CCDC191: variants seen among roughly 807,000 people sequenced by gnomAD.
CCDC191 encodes coiled-coil domain containing 191, also known as coiled-coil domain-containing protein 191.
Under a neutral mutation model 114.0 loss-of-function variants are expected in CCDC191, and 99 were observed. The observed-to-expected ratio is 0.87, with a 90% confidence interval of 0.74 to 1.03. The LOEUF is 1.03. Ranked by LOEUF, CCDC191 falls within the 50% of genes least tolerant of loss-of-function variation. The pLI is 0.00. For missense variants in CCDC191, 973 were observed against 1,087.0 expected (o/e 0.90, Z 1.47); for synonymous variants, 351 against 376.0 (o/e 0.93, Z 0.77).
chr3:114,034,837 A>G, intron 6 of CCDC191, 88 bp downstream of exon 6: 1 of 1,016,102 alleles, frequency 9.8e-7, no homozygotes, highest in East Asian at 2.4e-5. Flanking sequence ...TTTGTTATTG[A>G]ATGTTTGTGC....
chr3:114,006,205 T>C (rs551892642), intron 9 of CCDC191, among the ~76,000 whole-genome samples: 1 of 151,804 alleles, frequency 6.6e-6, no homozygotes, highest in Non-Finnish European at 1.5e-5. Flanking sequence ...TCCCAGCACG[T>C]TGGGAGGCCG....
chr3:114,024,028 C>T (rs941104148), intron 7 of CCDC191, among the ~76,000 whole-genome samples: 8 of 152,194 alleles, frequency 5.3e-5, no homozygotes, highest in African/African-American at 1.9e-4. Flanking sequence ...TATACAACCC[C>T]ATCAACAAGT....
At chr3:113,968,959 T>G (rs1940514300) in intron 16 of CCDC191, among the ~76,000 whole-genome samples, 1 of 152,200 alleles carries the variant, frequency 6.6e-6, no homozygotes, top group Non-Finnish European at 1.5e-5. Context: ...CACTAGCATC[T>G]GTTTCTAATG....
At chr3:113,974,406 ACCTCCCAGGT>A (rs1459013799) in intron 16 of CCDC191, among the ~76,000 whole-genome samples, 1 of 148,892 alleles carries the variant, frequency 6.7e-6, no homozygotes, top group African/African-American at 2.5e-5. Flanking sequence ...TGCAACCTCC[ACCTCCCAGGT>A]TCAAGCCATT....
chr3:113,967,403 T>C (rs1940313122), intron 16 of CCDC191, among the ~76,000 whole-genome samples: 1 of 151,946 alleles, frequency 6.6e-6, no homozygotes, highest in Admixed American at 6.6e-5. Flanking sequence ...ACATTTCTCT[T>C]TCTTTCCCTA....
chr3:114,006,762 A>T (rs2075978521), intron 9 of CCDC191, among the ~76,000 whole-genome samples: 1 of 151,832 alleles, frequency 6.6e-6, no homozygotes, highest in Non-Finnish European at 1.5e-5. Flanking sequence ...TTTACAAATG[A>T]ATAATATATC....
At chr3:114,056,202 C>T (rs749581876) in intron 1 of CCDC191, among the ~76,000 whole-genome samples, 175 bp downstream of exon 1, 8 of 152,100 alleles carry the variant, frequency 5.3e-5, no homozygotes, top group Non-Finnish European at 1.0e-4. Flanking sequence ...TGTGCCCAGA[C>T]CCCAGAGCTC....
intron 8 of CCDC191, among the ~76,000 whole-genome samples, chr3:114,012,431 G>A (rs986160177): frequency 2.0e-5 from 3 of 152,058 alleles, no homozygotes; most frequent in Admixed American, 2.0e-4. Context: ...GATGGTTTTT[G>A]TAATAAAAGT....
At chr3:114,044,941 G>A (rs1442838870) in intron 3 of CCDC191, among the ~76,000 whole-genome samples, 2 of 151,766 alleles carry the variant, frequency 1.3e-5, no homozygotes, top group African/African-American at 4.8e-5. Flanking sequence ...TATGATAGGA[G>A]AAAAAAAATG....
chr3:114,004,800 C>T (rs1277108264), intron 10 of CCDC191, 54 bp from the exon 11 acceptor site: 1 of 1,564,046 alleles, frequency 6.4e-7, no homozygotes, highest in East Asian at 2.3e-5. Context: ...TTCCTTCAAA[C>T]TCCTTTGACC....
chr3:114,020,604 G>A (rs907682616), intron 7 of CCDC191, among the ~76,000 whole-genome samples: 4 of 152,080 alleles, frequency 2.6e-5, no homozygotes, highest in Admixed American at 2.6e-4. Context: ...AGCTGGCCAG[G>A]TTGAGGGGTA....
chr3:114,026,428 TA>T (rs2076321543), intron 7 of CCDC191, among the ~76,000 whole-genome samples: 1 of 152,258 alleles, frequency 6.6e-6, no homozygotes, highest in African/African-American at 2.4e-5. Flanking sequence ...AGGGGAGAGT[TA>T]TATGAATCCC....
chr3:113,995,628 T>G (rs1174922406), intron 13 of CCDC191, among the ~76,000 whole-genome samples: 1 of 152,352 alleles, frequency 6.6e-6, no homozygotes, highest in Non-Finnish European at 1.5e-5. Context: ...TTGTATCGCT[T>G]TGGGTATATA....
chr3:114,035,431 C>G (rs540520324), intron 5 of CCDC191, among the ~76,000 whole-genome samples: 13 of 152,304 alleles, frequency 8.5e-5, no homozygotes, highest in African/African-American at 3.1e-4. Context: ...GTTCTGGATT[C>G]TCATTTAGGA....
chr3:114,002,847 A>C (rs2075880358), intron 11 of CCDC191: 1 of 971,848 alleles, frequency 1.0e-6, no homozygotes. Context: ...AGTATATGAA[A>C]CCCAGAAACC....
At chr3:114,042,086 T>A (rs1244739609) in intron 4 of CCDC191, among the ~76,000 whole-genome samples, 1 of 152,050 alleles carries the variant, frequency 6.6e-6, no homozygotes, top group African/African-American at 2.4e-5. Flanking sequence ...AAATGACATA[T>A]GAGTACTTAA....
chr3:113,976,024 G>A (rs919998000), intron 16 of CCDC191, among the ~76,000 whole-genome samples: 4 of 152,134 alleles, frequency 2.6e-5, no homozygotes, highest in African/African-American at 4.8e-5. Flanking sequence ...TTGGGAGGCC[G>A]AGGTGGGCAG....
intron 7 of CCDC191, among the ~76,000 whole-genome samples, chr3:114,027,482 C>T (rs548265421): frequency 4.0e-5 from 6 of 151,042 alleles, no homozygotes; most frequent in African/African-American, 1.2e-4. Context: ...GGTGTGGTGG[C>T]GTGTGCCTGT....
At chr3:113,981,853 C>G (rs1259324127) in intron 13 of CCDC191, among the ~76,000 whole-genome samples, 1 of 152,158 alleles carries the variant, frequency 6.6e-6, no homozygotes, top group Non-Finnish European at 1.5e-5. Flanking sequence ...AGCCATTAAA[C>G]CAAAACAAGC....
Sources: allele counts gnomAD v4.1 joint callset (sites outside exome capture counted in the v4.1 genomes callset), GRCh38; gene constraint gnomAD v4.1.1; transcripts MANE v1.5; gene names NCBI Gene and HGNC (gene_info 2026-07-23, HGNC 2026-07-21).